TRPM1: variants seen among roughly 807,000 people sequenced by gnomAD.
The protein encoded by TRPM1 is TRPM1-203 APA Isoform, Intron 10.
TRPM1 carries 113 observed loss-of-function variants against 149.4 expected under a neutral mutation model. The observed-to-expected ratio is 0.76, with a 90% CI of 0.65 to 0.88. TRPM1 has a LOEUF of 0.88. Among genes scored for constraint, TRPM1 ranks in the 40% least tolerant of loss-of-function variants. The pLI is 0.00. For synonymous variants in TRPM1, 741 were observed against 759.5 expected (o/e 0.98, Z 0.40); for missense variants, 1,976 against 2,038.7 (o/e 0.97, Z 0.59).
chr15:31,102,120 T>C (rs898159266), upstream of TRPM1, among the ~76,000 whole-genome samples: 3 of 152,248 alleles, frequency 2.0e-5, no homozygotes, highest in Non-Finnish European at 4.4e-5. Flanking sequence ...CACATGGCAC[T>C]AATTACTGCT....
rs1156623181 is a variant in TRPM1, at chr15:31,049,419, G to A, written c.1528C>T (p.Gln510Ter). The A allele has an allele frequency of 1.9e-6, 3 of 1,614,152 alleles. No homozygotes were observed. The highest frequency in any genetic ancestry group is 4.5e-5 in the East Asian group (2 of 44,878). ...KLLIENGVNM[Q>*]HFLTIPRLEE... ...AGCCTCGGAATGGTCAGAAAGTGTT[G>A]CATGTTCACTCCGTTTTCAATCAGG... Residue 510 changes from glutamine (Q) to a stop codon, truncating the protein, a stop_gained, in exon 13 of 28, where the codon CAA (glutamine) becomes TAA (stop). Transcript: ENST00000256552. LOFTEE classifies it high-confidence loss of function.
chr15:31,142,313 A>G (rs1385211392), intron 1 of TRPM1, among the ~76,000 whole-genome samples: 4 of 152,226 alleles, frequency 2.6e-5, no homozygotes, highest in African/African-American at 9.6e-5. Context: ...TTAATGTTTA[A>G]TATCAAAAAA....
At position 31,031,012 on chromosome 15, in the gene TRPM1, T is replaced by C; in HGVS notation, c.3098A>G (p.Tyr1033Cys). 2 of 1,614,158 alleles carry C rather than the reference T, an allele frequency of 1.2e-6. No homozygotes were observed. Among genetic ancestry groups the C allele is most frequent in the South Asian group, 1.1e-5 (1 of 91,080 alleles). ...TATCTGGTCTGCAAACACCTCTCCA[T>C]AGATCATCCAGTAGGGCATGTAGAA... is the stretch of plus-strand genomic sequence containing the variant. ...NIFYMPYWMI[Y>C]GEVFADQIDL... Residue 1033 changes from tyrosine to cysteine, a missense_variant, in exon 23 of 28, where the codon TAT becomes TGT. Physicochemically the swap from Tyr to Cys is radical, Grantham distance 194. This residue lies in a region of TRPM1 where 1,332 missense variants were observed against 1,347.1 expected (regional missense o/e 0.99). Transcript: ENST00000256552.
At chr15:31,052,124 C>A (rs980209315) in intron 11 of TRPM1, among the ~76,000 whole-genome samples, 6 of 152,176 alleles carry the variant, frequency 3.9e-5, no homozygotes, top group Non-Finnish European at 8.8e-5. Flanking sequence ...TGGCACCCAC[C>A]CAGTGCATTT....
At chr15:31,132,894 T>C (rs1322124789) in intron 1 of TRPM1, among the ~76,000 whole-genome samples, 1 of 152,220 alleles carries the variant, frequency 6.6e-6, no homozygotes, top group African/African-American at 2.4e-5. Flanking sequence ...ACAGCTTTGC[T>C]TCTCCTTCGC....
chr15:31,136,064 G>A (rs1200869395), intron 1 of TRPM1, among the ~76,000 whole-genome samples: 2 of 152,106 alleles, frequency 1.3e-5, no homozygotes, highest in Non-Finnish European at 2.9e-5. Flanking sequence ...CCCTGAACGT[G>A]TATAGGCGTT....
chr15:31,026,837 G>A, intron 26 of TRPM1, 78 bp downstream of exon 26: 2 of 1,477,042 alleles, frequency 1.4e-6, no homozygotes, highest in Non-Finnish European at 1.9e-6. Flanking sequence ...GTAGTTGAGT[G>A]AGATTTCTGT....
chr15:31,083,326 C>G (rs115871677), intron 1 of TRPM1, among the ~76,000 whole-genome samples: 1 of 152,218 alleles, frequency 6.6e-6, no homozygotes, highest in South Asian at 2.1e-4. Context: ...TTGGTTGGAA[C>G]CTTTTGTGAA....
chr15:31,034,836 C>G (rs1407514461), intron 21 of TRPM1, among the ~76,000 whole-genome samples: 1 of 152,244 alleles, frequency 6.6e-6, no homozygotes, highest in Non-Finnish European at 1.5e-5. Flanking sequence ...TTTGCTGATG[C>G]TTTCCTATGC....
At chr15:31,122,899 C>A (rs1388719189) in intron 1 of TRPM1, among the ~76,000 whole-genome samples, 2 of 152,114 alleles carry the variant, frequency 1.3e-5, no homozygotes, top group African/African-American at 4.8e-5. Context: ...TGAAGAAGAA[C>A]AAACTCAGAG....
At chr15:31,154,838 A>T (rs992931124) in intron 1 of TRPM1, among the ~76,000 whole-genome samples, 1 of 150,480 alleles carries the variant, frequency 6.6e-6, no homozygotes, top group Non-Finnish European at 1.5e-5. Context: ...TGTGACCCCC[A>T]CCCAGGAACT....
intron 1 of TRPM1, among the ~76,000 whole-genome samples, chr15:31,112,604 ATTG>A (rs1343485824): frequency 3.9e-5 from 6 of 152,002 alleles, no homozygotes. Context: ...TTTTTTTTTA[ATTG>A]GCTGAGATGA....
intron 1 of TRPM1, among the ~76,000 whole-genome samples, chr15:31,119,723 A>G (rs1034067114): frequency 6.6e-5 from 10 of 152,216 alleles, no homozygotes; most frequent in African/African-American, 2.4e-4. Context: ...GTTATAAGGA[A>G]CAGGAGTGTA....
intron 1 of TRPM1, among the ~76,000 whole-genome samples, chr15:31,081,976 C>T (rs1259268463): frequency 6.6e-6 from 1 of 152,150 alleles, no homozygotes; most frequent in Non-Finnish European, 1.5e-5. Flanking sequence ...AAACTTTCCT[C>T]CTTCCCCTCC....
At chr15:31,025,330 G>A (rs1041809643) in intron 27 of TRPM1, among the ~76,000 whole-genome samples, 2 of 152,130 alleles carry the variant, frequency 1.3e-5, no homozygotes, top group Non-Finnish European at 1.5e-5. Context: ...CAAAACTTAC[G>A]TGATAAAAAG....
intron 1 of TRPM1, among the ~76,000 whole-genome samples, chr15:31,087,849 C>G (rs1355440578): frequency 6.6e-6 from 1 of 152,068 alleles, no homozygotes; most frequent in Non-Finnish European, 1.5e-5. Context: ...CCGCCAGGAG[C>G]TGGTGGGAGG....
intron 22 of TRPM1, among the ~76,000 whole-genome samples, chr15:31,031,873 A>C (rs2033096500): frequency 6.6e-6 from 1 of 152,076 alleles, no homozygotes; most frequent in South Asian, 2.1e-4. Context: ...GTCTAATCAC[A>C]TGGACTTCCT....
At chr15:31,129,605 G>T (rs1214542254) in intron 1 of TRPM1, among the ~76,000 whole-genome samples, 2 of 152,224 alleles carry the variant, frequency 1.3e-5, no homozygotes, top group Non-Finnish European at 1.5e-5. Flanking sequence ...TAATACCATT[G>T]CTTAGAATGG....
intron 1 of TRPM1, among the ~76,000 whole-genome samples, chr15:31,146,283 AAC>A (rs1476417661): frequency 3.3e-5 from 5 of 152,262 alleles, no homozygotes; most frequent in African/African-American, 1.2e-4. Context: ...TGAGACTGGA[AAC>A]ACAGAAACTG....
Sources: allele counts gnomAD v4.1 joint callset (sites outside exome capture counted in the v4.1 genomes callset), GRCh38; gene constraint gnomAD v4.1.1; regional missense constraint gnomAD v4.1.1; transcripts MANE v1.5; gene names NCBI Gene and HGNC (gene_info 2026-07-23, HGNC 2026-07-21).